Variants in DPP10 observed in about 807,000 individuals in gnomAD.
DPP10 encodes dipeptidyl peptidase like 10.
A neutral mutation model predicts 120.9 loss-of-function variants in DPP10; 33 were observed. The observed-to-expected ratio is 0.27, with a 90% confidence interval of 0.21 to 0.37. The LOEUF (loss-of-function observed/expected upper bound fraction) is 0.37, where lower values mean the gene tolerates loss of function less well. Ranked by LOEUF, DPP10 falls within the 10% of genes least tolerant of loss-of-function variation. The pLI is 1.00. For missense variants in DPP10, 816 were observed against 942.8 expected (o/e 0.87, Z 1.76); for synonymous variants, 337 against 326.1 (o/e 1.03, Z -0.36).
chr2:115,152,562 A>G (rs576682122), intron 1 of DPP10, among the ~76,000 whole-genome samples: 8 of 152,356 alleles, frequency 5.3e-5, no homozygotes, highest in Admixed American at 2.0e-4. Flanking sequence ...AACAGTAAAA[A>G]ATAGATATAT....
At chr2:114,878,704 T>C (rs1340755939) in intron 1 of DPP10, among the ~76,000 whole-genome samples, 1 of 152,104 alleles carries the variant, frequency 6.6e-6, no homozygotes, top group Non-Finnish European at 1.5e-5. Context: ...TGTGCCTGGC[T>C]TACTTCACTT....
At chr2:115,696,696 A>G (rs1245554976) in intron 7 of DPP10, among the ~76,000 whole-genome samples, 1 of 152,228 alleles carries the variant, frequency 6.6e-6, no homozygotes. Flanking sequence ...ATGTAAATAC[A>G]TGGGCAATTA....
intron 3 of DPP10, among the ~76,000 whole-genome samples, chr2:115,439,762 G>T (rs2071850493): frequency 6.6e-6 from 1 of 152,138 alleles, no homozygotes; most frequent in South Asian, 2.1e-4. Context: ...TCAGATAGCT[G>T]TTCTGAGTTA....
intron 2 of DPP10, among the ~76,000 whole-genome samples, chr2:115,332,837 C>T (rs1040767294): frequency 1.3e-5 from 2 of 151,922 alleles, no homozygotes; most frequent in African/African-American, 4.8e-5. Context: ...GGAGAGCATT[C>T]CTTCCAAGTA....
At chr2:114,576,561 G>A (rs1347174820) in intron 1 of DPP10, among the ~76,000 whole-genome samples, 1 of 152,124 alleles carries the variant, frequency 6.6e-6, no homozygotes, top group East Asian at 1.9e-4. Context: ...GGGGACAAGG[G>A]ACTTTGAGTA....
intron 5 of DPP10, among the ~76,000 whole-genome samples, chr2:115,677,357 A>G (rs946041669): frequency 1.3e-5 from 2 of 152,244 alleles, no homozygotes; most frequent in African/African-American, 4.8e-5. Context: ...GAGAGGAAGA[A>G]AGAAACAAAG....
chr2:115,536,662 TA>T (rs2078865475), intron 5 of DPP10, among the ~76,000 whole-genome samples: 1 of 152,016 alleles, frequency 6.6e-6, no homozygotes, highest in Non-Finnish European at 1.5e-5. Context: ...TGCTATTTTA[TA>T]GGACACGAAT....
intron 1 of DPP10, among the ~76,000 whole-genome samples, chr2:114,636,695 C>T (rs980964896): frequency 4.0e-5 from 6 of 151,878 alleles, no homozygotes; most frequent in African/African-American, 4.9e-5. Flanking sequence ...GTTTCTGCTA[C>T]GGATGCAGAC....
chr2:115,479,643 G>GTATA (rs35279399), intron 3 of DPP10, among the ~76,000 whole-genome samples: 21 of 150,946 alleles, frequency 1.4e-4, no homozygotes, highest in East Asian at 5.9e-4. Flanking sequence ...AAACACACAT[G>GTATA]TATATATATA....
chr2:115,169,500 A>G (rs950595655), intron 1 of DPP10, among the ~76,000 whole-genome samples: 1 of 152,148 alleles, frequency 6.6e-6, no homozygotes, highest in African/African-American at 2.4e-5. Flanking sequence ...GTAGATTATT[A>G]TAGGGCGTTA....
rs2080009553 is a variant in DPP10 at position 115,553,521 on chromosome 2, A to G, written c.441+27549A>G. On this transcript the variant is annotated intron_variant, in intron 5 of 25. Transcript: ENST00000410059. ...CTTGAATGAATAAATATAATGATAT[A>G]TTAAATTAGCATAAAATATTCTGAT... Among the ~76,000 whole-genome samples the G allele has an allele frequency of 5.3e-5, 8 of 152,086 alleles. No individual in the cohort carries two copies. The South Asian group carries it at 1.7e-3, about 31-fold the overall frequency.
chr2:115,712,545 TATATATATA>T lies in DPP10; in HGVS notation c.577-15270_577-15262del, dbSNP rs2092360833. ...TAGCTTTGAAGAGTCCTGAATTAAATATATATATATATATATATATAAAGAAACTGTCTT... is the reference window on the plus strand; with the variant it reads ...TAGCTTTGAAGAGTCCTGAATTAAATTATATATATATAAAGAAACTGTCTT... On this transcript the variant is annotated intron_variant, in intron 7 of 25. Transcript: ENST00000410059. Among the ~76,000 whole-genome samples, 13 of 92,942 alleles carry T rather than the reference TATATATATA, an allele frequency of 1.4e-4. 3 individuals carry two copies. In the East Asian group the frequency reaches 2.8e-3, roughly 20 times the overall value. 61.0% of individuals were successfully genotyped at this position (92,942 alleles called of 152,430 possible). A position where few individuals can be genotyped will look rare whatever the true frequency, so the allele number is the denominator to read the frequency against.
chr2:114,971,431 AT>A (rs1216214422), intron 1 of DPP10, among the ~76,000 whole-genome samples: 2 of 152,106 alleles, frequency 1.3e-5, no homozygotes, highest in African/African-American at 4.8e-5. Flanking sequence ...GCTCACTTAT[AT>A]TTTGAATCTG....
intron 1 of DPP10, among the ~76,000 whole-genome samples, chr2:114,834,903 A>C: frequency 7.1e-6 from 1 of 140,366 alleles, no homozygotes; most frequent in Non-Finnish European, 1.5e-5. Flanking sequence ...TATAAGCCAT[A>C]TCTACACACC....
intron 1 of DPP10, among the ~76,000 whole-genome samples, chr2:114,513,250 C>A (rs147612303): frequency 6.6e-6 from 1 of 152,034 alleles, no homozygotes; most frequent in Non-Finnish European, 1.5e-5. Flanking sequence ...CAGCTGGGCA[C>A]GGTGGCTAAC....
chr2:115,304,273 T>C (rs761971527), intron 1 of DPP10, among the ~76,000 whole-genome samples: 5 of 152,008 alleles, frequency 3.3e-5, no homozygotes, highest in Non-Finnish European at 5.9e-5. Flanking sequence ...TGAAGATGTA[T>C]TGAAGCAAGT....
chr2:115,635,215 G>A lies in DPP10; in HGVS notation c.442-54472G>A, dbSNP rs951121770. Among the ~76,000 whole-genome samples the A allele has an allele frequency of 1.3e-5, 2 of 151,622 alleles. 1 individual carries two copies. The highest frequency in any genetic ancestry group is 4.9e-5 in the African/African-American group (2 of 41,170). ...CCATCTTAGGCAGCATGCAGCCACA[G>A]TGATGATGGCCACCCCTCCCTCTGG... On this transcript the variant is annotated intron_variant, in intron 5 of 25. Transcript: ENST00000410059.
intron 1 of DPP10, among the ~76,000 whole-genome samples, chr2:114,810,761 G>T (rs1327979125): frequency 1.3e-5 from 2 of 152,094 alleles, no homozygotes; most frequent in Non-Finnish European, 2.9e-5. Flanking sequence ...GGATAATGAT[G>T]TAACACAGAG....
intron 5 of DPP10, among the ~76,000 whole-genome samples, chr2:115,559,341 G>A (rs752051496): frequency 1.3e-4 from 20 of 152,236 alleles, no homozygotes; most frequent in Non-Finnish European, 2.8e-4. Context: ...AAAGTTAGTA[G>A]AACACTTTTA....
Sources: allele counts gnomAD v4.1 joint callset (sites outside exome capture counted in the v4.1 genomes callset), GRCh38; gene constraint gnomAD v4.1.1; transcripts MANE v1.5; gene names NCBI Gene and HGNC (gene_info 2026-07-23, HGNC 2026-07-21).